The following SORCS2 variants were observed in gnomAD, a reference collection of about 807,000 sequenced individuals.
SORCS2 encodes VPS10 domain-containing receptor SorCS2.
A neutral mutation model predicts 141.6 loss-of-function variants in SORCS2; 100 were observed. The ratio of observed to expected loss-of-function variants is 0.71; its 90% CI spans 0.60 to 0.83. The LOEUF is 0.83. Ranked by LOEUF, SORCS2 falls within the 40% of genes least tolerant of loss-of-function variation. The pLI is 0.00. For missense variants in SORCS2, 1,646 were observed against 1,560.2 expected (o/e 1.05, Z -0.93); for synonymous variants, 789 against 676.9 (o/e 1.17, Z -2.57).
intron 1 of SORCS2, among the ~76,000 whole-genome samples, chr4:7,264,096 C>A (rs1176506016): frequency 2.0e-5 from 3 of 152,184 alleles, no homozygotes; most frequent in African/African-American, 7.2e-5. Flanking sequence ...GAGACAGTGA[C>A]CACACAGGGT....
chr4:7,218,827 A>G (rs1449508191), intron 1 of SORCS2, among the ~76,000 whole-genome samples: 1 of 152,224 alleles, frequency 6.6e-6, no homozygotes, highest in Non-Finnish European at 1.5e-5. Context: ...TGTCCGGGAA[A>G]TGCTGTGCTG....
At chr4:7,691,944 C>CCCCTCACT (rs1724285337) in intron 11 of SORCS2, among the ~76,000 whole-genome samples, 1 of 151,966 alleles carries the variant, frequency 6.6e-6, no homozygotes, top group African/African-American at 2.4e-5. Flanking sequence ...GAGAGCAGCC[C>CCCCTCACT]CCCTCACTCT....
At chr4:7,433,350 C>G in intron 2 of SORCS2, 1 of 1,434,690 alleles carries the variant, frequency 7.0e-7, no homozygotes, top group African/African-American at 1.4e-5. Context: ...GCATCTCTTT[C>G]CATACATGCT....
chr4:7,369,642 G>A (rs1722123876), intron 1 of SORCS2, among the ~76,000 whole-genome samples: 1 of 152,202 alleles, frequency 6.6e-6, no homozygotes, highest in African/African-American at 2.4e-5. Context: ...AGGACTCGGG[G>A]AGTGGCCTGG....
chr4:7,666,754 C>G (rs372741259), intron 7 of SORCS2, among the ~76,000 whole-genome samples: 2 of 152,158 alleles, frequency 1.3e-5, no homozygotes, highest in Non-Finnish European at 2.9e-5. Flanking sequence ...ATGGTGCCGG[C>G]TTTGTTTGTC....
chr4:7,620,220 A>T (rs1719072702), intron 3 of SORCS2, among the ~76,000 whole-genome samples: 3 of 152,138 alleles, frequency 2.0e-5, no homozygotes, highest in Admixed American at 2.0e-4. Flanking sequence ...CTCCCACAAT[A>T]TCACCATGCA....
chr4:7,718,408 A>C (rs961128288), intron 18 of SORCS2, among the ~76,000 whole-genome samples: 39 of 152,158 alleles, frequency 2.6e-4, no homozygotes, highest in African/African-American at 8.7e-4. Flanking sequence ...AGAATAGAGT[A>C]GGACGTAGGG....
At chr4:7,408,243 G>A (rs1480254511) in intron 2 of SORCS2, among the ~76,000 whole-genome samples, 1 of 151,780 alleles carries the variant, frequency 6.6e-6, no homozygotes, top group Non-Finnish European at 1.5e-5. Flanking sequence ...TTTCCTTTCA[G>A]ATGGAAAAAC....
At chr4:7,314,800 G>GTTTTTTTTTTTT (rs397880294) in intron 1 of SORCS2, among the ~76,000 whole-genome samples, 2 of 109,832 alleles carry the variant, frequency 1.8e-5, no homozygotes, top group African/African-American at 3.4e-5. Context: ...CCACTGTTCT[G>GTTTTTTTTTTTT]TTTTTTTTTT....
At position 7,456,801 on chromosome 4, in the gene SORCS2, G is replaced by C. The variant is rs377175757; in HGVS notation, c.548+60446G>C. On this transcript the variant is annotated intron_variant, in intron 2 of 26. Transcript: ENST00000507866. ...GTAGGGGGGTGGAGGGTCATCTCTC[G>C]ACGATCAGTGTGGAGGGAAGGATCA... 3.3e-5 allele frequency among the ~76,000 whole-genome samples: 5 copies of C among 152,202 alleles called. No homozygotes were observed. The East Asian group carries it at 7.8e-4, about 24-fold the overall frequency.
At chr4:7,282,974 C>T (rs1020142690) in intron 1 of SORCS2, among the ~76,000 whole-genome samples, 1 of 152,226 alleles carries the variant, frequency 6.6e-6, no homozygotes, top group African/African-American at 2.4e-5. Flanking sequence ...CATTCATTCA[C>T]TCATTCATTC....
chr4:7,722,349 G>A (rs1161243426), intron 18 of SORCS2, among the ~76,000 whole-genome samples: 1 of 152,206 alleles, frequency 6.6e-6, no homozygotes, highest in African/African-American at 2.4e-5. Context: ...CAGCCTCCTG[G>A]GTCCTGGGCT....
At chr4:7,723,648 C>G in intron 18 of SORCS2, 49 bp from the exon 19 acceptor site, 4 of 1,602,390 alleles carry the variant, frequency 2.5e-6, no homozygotes, top group Non-Finnish European at 3.4e-6. Context: ...ACTCTGGCCC[C>G]TCAGCTTCAA....
chr4:7,427,640 G>C (rs376804178), intron 2 of SORCS2, among the ~76,000 whole-genome samples: 2 of 152,122 alleles, frequency 1.3e-5, no homozygotes, highest in East Asian at 3.9e-4. Flanking sequence ...AGGAGGTGGG[G>C]TGCTGGGATC....
At chr4:7,622,058 C>T (rs377500396) in intron 3 of SORCS2, among the ~76,000 whole-genome samples, 1 of 151,980 alleles carries the variant, frequency 6.6e-6, no homozygotes, top group Admixed American at 6.6e-5. Flanking sequence ...GAAATACCCA[C>T]GTCCTGCCCC....
At chr4:7,649,984 T>G (rs1282491241) in intron 4 of SORCS2, among the ~76,000 whole-genome samples, 1 of 152,092 alleles carries the variant, frequency 6.6e-6, no homozygotes, top group African/African-American at 2.4e-5. Flanking sequence ...CTGGCGGCTA[T>G]TAGTGTGAAT....
rs1405963278 is a variant in SORCS2, at chr4:7,193,489, C to G, written c.480+363C>G. Among the ~76,000 whole-genome samples the G allele has an allele frequency of 1.3e-5, 2 of 152,202 alleles. No individual in the cohort carries two copies. Among genetic ancestry groups the G allele is most frequent in the Non-Finnish European group, 2.9e-5 (2 of 68,030 alleles). ...GGTACCCCAGCTCGGCGTTACCTCCCCTGCCCCCAGACTCCACCAGCTGAG... is the reference window on the plus strand; with the variant it reads ...GGTACCCCAGCTCGGCGTTACCTCCGCTGCCCCCAGACTCCACCAGCTGAG... On this transcript the variant is annotated intron_variant, in intron 1 of 26. Coordinates refer to ENST00000507866, the MANE Select transcript of SORCS2 (RefSeq NM_020777.3). The surrounding 1 kb of genome is among the most constrained non-coding windows in gnomAD (Gnocchi z 4.8).
intron 1 of SORCS2, among the ~76,000 whole-genome samples, chr4:7,212,765 C>T (rs1466289424): frequency 6.6e-6 from 1 of 152,272 alleles, no homozygotes; most frequent in African/African-American, 2.4e-5. Flanking sequence ...ACACACCCAA[C>T]CCTGCAGCCA....
chr4:7,450,478 A>T (rs560996696), intron 2 of SORCS2, among the ~76,000 whole-genome samples: 1 of 152,196 alleles, frequency 6.6e-6, no homozygotes, highest in Non-Finnish European at 1.5e-5. Context: ...GCTTCTGGGT[A>T]ACTGTGACCC....
Sources: allele counts gnomAD v4.1 joint callset (sites outside exome capture counted in the v4.1 genomes callset), GRCh38; gene constraint gnomAD v4.1.1; non-coding constraint Gnocchi (gnomAD v3.1); transcripts MANE v1.5; gene names NCBI Gene and HGNC (gene_info 2026-07-23, HGNC 2026-07-21).